Variants in TMBIM6 observed in about 807,000 individuals in gnomAD.
The protein encoded by TMBIM6 is bax inhibitor 1.
TMBIM6 carries 13 observed loss-of-function variants against 31.4 expected under a neutral mutation model. The ratio of observed to expected loss-of-function variants is 0.41; its 90% CI spans 0.27 to 0.66. TMBIM6 has a LOEUF of 0.66. Ranked by LOEUF, TMBIM6 falls within the 30% of genes least tolerant of loss-of-function variation. The pLI, the probability that TMBIM6 is intolerant of heterozygous loss-of-function variation, is 0.28. For synonymous variants in TMBIM6, 85 were observed against 101.7 expected (o/e 0.84, Z 0.99); for missense variants, 275 against 289.5 (o/e 0.95, Z 0.36).
At chr12:49,744,728 AAC>A (rs1422887730) in intron 1 of TMBIM6, among the ~76,000 whole-genome samples, 1 of 152,176 alleles carries the variant, frequency 6.6e-6, no homozygotes, top group East Asian at 1.9e-4. Flanking sequence ...TGGAATCCAA[AAC>A]ACGTGAAAAA....
rs1189310166 is a variant in TMBIM6, at chr12:49,758,487, G to A, written c.433+7G>A. ...AGCTACCTCTTTCTGGGAGGTAAGT[G>A]TGAACTGGGAAACAGGGAATGGGGG... On this transcript the variant is annotated splice_region_variant and intron_variant, in intron 6 of 9. Transcript: ENST00000267115. 2 of 1,613,846 alleles carry A rather than the reference G, an allele frequency of 1.2e-6. No individual in the cohort carries two copies. Among genetic ancestry groups the A allele is most frequent in the Non-Finnish European group, 1.7e-6 (2 of 1,179,758 alleles).
At chr12:49,754,600 T>C (rs553493875) in intron 3 of TMBIM6, among the ~76,000 whole-genome samples, 26 of 152,326 alleles carry the variant, frequency 1.7e-4, no homozygotes, top group African/African-American at 6.3e-4. Flanking sequence ...GGTTTACTAA[T>C]TCATTGTCCA....
intron 1 of TMBIM6, among the ~76,000 whole-genome samples, chr12:49,747,575 C>G (rs1945418542): frequency 6.6e-6 from 1 of 152,230 alleles, no homozygotes; most frequent in Admixed American, 6.5e-5. Flanking sequence ...TCCCAAAGTG[C>G]TGGGCTCACA....
intron 1 of TMBIM6, among the ~76,000 whole-genome samples, chr12:49,746,311 T>A (rs1945393296): frequency 6.6e-6 from 1 of 152,110 alleles, no homozygotes; most frequent in South Asian, 2.1e-4. Flanking sequence ...CTCGAACTCC[T>A]GACCTCAAGT....
At chr12:49,742,951 G>C (rs1361864005) in intron 1 of TMBIM6, among the ~76,000 whole-genome samples, 1 of 149,150 alleles carries the variant, frequency 6.7e-6, no homozygotes, top group African/African-American at 2.5e-5. Context: ...TATTTATCTG[G>C]TTGTGGAAAC....
rs1945770804 is a variant in TMBIM6 at position 49,764,080 on chromosome 12, A to T, written c.*1184A>T. On this transcript the variant is annotated 3_prime_UTR_variant, in exon 10 of 10. Transcript: ENST00000267115. The stretch of plus-strand genomic sequence containing the variant: ...TTTGGTCTGTTACCTGTTTTCCAGA[A>T]ATTTGTGGCCTTTTAGGCGGGAGTT... 1 of 152,146 alleles carries T rather than the reference A, an allele frequency of 6.6e-6. No individual in the cohort carries two copies. The highest frequency in any genetic ancestry group is 2.4e-5 in the African/African-American group (1 of 41,422). 9.4% of individuals were successfully genotyped at this position (152,146 alleles called of 1,614,324 possible).
chr12:49,758,116 T>C (rs1253667196), intron 4 of TMBIM6, 111 bp from the exon 5 acceptor site: 1 of 1,119,804 alleles, frequency 8.9e-7, no homozygotes. Context: ...AATTCTTTAG[T>C]CCACGTTTGT....
intron 3 of TMBIM6, among the ~76,000 whole-genome samples, chr12:49,755,242 C>T (rs1945566807): frequency 6.6e-6 from 1 of 152,162 alleles, no homozygotes; most frequent in Non-Finnish European, 1.5e-5. Flanking sequence ...CAGGCGTGAG[C>T]CACCATGTTT....
In TMBIM6 at chr12:49,750,221, C is replaced by T. The variant is rs118095996; in HGVS notation, c.-30-2243C>T. ...AGGGGAGTTTCTGCCATTCTCCCCT[C>T]GAACAGATTCCGCCAAGCAGGGTCT... On this transcript the variant is annotated intron_variant, in intron 1 of 9. Transcript: ENST00000267115. Among the ~76,000 whole-genome samples, 72 of 152,290 alleles carry T rather than the reference C, an allele frequency of 4.7e-4. 1 individual carries two copies. In the East Asian group the frequency reaches 0.013, roughly 28 times the overall value.
At chr12:49,752,571 G>GGTTTT in intron 2 of TMBIM6, 22 bp downstream of exon 2, 3 of 1,563,172 alleles carry the variant, frequency 1.9e-6, no homozygotes, top group Non-Finnish European at 1.8e-6. Context: ...GACCTTGACT[G>GGTTTT]GTTTTGTACT....
At chr12:49,759,834 C>T (rs1458563800) in intron 8 of TMBIM6, among the ~76,000 whole-genome samples, 3 of 144,122 alleles carry the variant, frequency 2.1e-5, no homozygotes, top group Non-Finnish European at 3.0e-5. Context: ...GTGTGGGGGC[C>T]GGGCACGGTG....
chr12:49,754,214 T>TG (rs1454225255), intron 3 of TMBIM6, among the ~76,000 whole-genome samples: 1 of 152,170 alleles, frequency 6.6e-6, no homozygotes, highest in African/African-American at 2.4e-5. Flanking sequence ...CTCAAACTCC[T>TG]GGGCTCAATT....
intron 4 of TMBIM6, among the ~76,000 whole-genome samples, chr12:49,756,018 A>G (rs1033292836): frequency 1.3e-5 from 2 of 151,792 alleles, no homozygotes; most frequent in African/African-American, 4.8e-5. Context: ...CATTTTTAGT[A>G]GAGACGGGGT....
intron 3 of TMBIM6, among the ~76,000 whole-genome samples, chr12:49,754,788 A>G (rs892943670): frequency 6.6e-6 from 1 of 152,212 alleles, no homozygotes; most frequent in Non-Finnish European, 1.5e-5. Context: ...CAAAGCTAAT[A>G]TGTGTTCATT....
intron 8 of TMBIM6, among the ~76,000 whole-genome samples, chr12:49,760,163 A>T (rs925078379): frequency 1.3e-5 from 2 of 151,224 alleles, no homozygotes; most frequent in African/African-American, 4.9e-5. Context: ...TTACATATCC[A>T]TAGTGGCTAC....
At chr12:49,751,644 G>A (rs577944799) in intron 1 of TMBIM6, among the ~76,000 whole-genome samples, 26 of 151,910 alleles carry the variant, frequency 1.7e-4, no homozygotes, top group Admixed American at 3.3e-4. Context: ...AATTTGATAC[G>A]CATATATTTA....
chr12:49,746,192 C>T (rs946424366), intron 1 of TMBIM6, among the ~76,000 whole-genome samples: 10 of 151,708 alleles, frequency 6.6e-5, no homozygotes. Context: ...AAGCCATTCT[C>T]CTGCCTCAGC....
At chr12:49,762,202 T>C (rs1207186319) in intron 9 of TMBIM6, 1 of 167,722 alleles carries the variant, frequency 6.0e-6, no homozygotes, top group Non-Finnish European at 1.3e-5. Flanking sequence ...AGTCAAGCAG[T>C]GGGGGAAACA....
At chr12:49,756,284 T>G (rs1052582325) in intron 4 of TMBIM6, among the ~76,000 whole-genome samples, 2 of 149,048 alleles carry the variant, frequency 1.3e-5, no homozygotes, top group African/African-American at 5.0e-5. Flanking sequence ...TACAGGCATG[T>G]GCCACCATGC....
Sources: allele counts gnomAD v4.1 joint callset (sites outside exome capture counted in the v4.1 genomes callset), GRCh38; gene constraint gnomAD v4.1.1; transcripts MANE v1.5; gene names NCBI Gene and HGNC (gene_info 2026-07-23, HGNC 2026-07-21).